Variants in PDGFD observed in about 807,000 individuals in gnomAD.
PDGFD encodes platelet-derived growth factor D.
Under a neutral mutation model 44.7 loss-of-function variants are expected in PDGFD, and 30 were observed. The ratio of observed to expected loss-of-function variants is 0.67; its 90% confidence interval spans 0.50 to 0.91. The LOEUF is 0.91. PDGFD is among the 40% of genes least tolerant of loss of function. The pLI, the probability that PDGFD is intolerant of heterozygous loss-of-function variation, is 0.00. For synonymous variants in PDGFD, 173 were observed against 168.4 expected, an observed-to-expected ratio of 1.03 and a Z score of -0.21; for missense variants, 445 against 457.8, an observed-to-expected ratio of 0.97 and a Z score of 0.25.
At chr11:103,928,373 C>A (rs1040974222) in intron 5 of PDGFD, among the ~76,000 whole-genome samples, 3 of 152,184 alleles carry the variant, frequency 2.0e-5, no homozygotes, top group Non-Finnish European at 4.4e-5. Context: ...GAATGTTAGG[C>A]AGTTATCACC....
chr11:104,077,537 G>T (rs1860977240), intron 1 of PDGFD, among the ~76,000 whole-genome samples: 1 of 152,206 alleles, frequency 6.6e-6, no homozygotes, highest in Non-Finnish European at 1.5e-5. Context: ...TCAATGCTCA[G>T]TGCAGGTTTT....
At chr11:104,095,530 C>T (rs1464615055) in intron 1 of PDGFD, among the ~76,000 whole-genome samples, 2 of 151,988 alleles carry the variant, frequency 1.3e-5, no homozygotes, top group African/African-American at 4.8e-5. Context: ...CTCATAAAAT[C>T]AGTTTCCTGT....
At chr11:104,007,051 G>T (rs1013858524) in intron 1 of PDGFD, among the ~76,000 whole-genome samples, 2 of 152,184 alleles carry the variant, frequency 1.3e-5, no homozygotes, top group Non-Finnish European at 2.9e-5. Flanking sequence ...GTTGCTATGG[G>T]AGTGGACCCC....
chr11:104,049,498 G>T (rs984844194), intron 1 of PDGFD, among the ~76,000 whole-genome samples: 4 of 151,978 alleles, frequency 2.6e-5, no homozygotes, highest in Admixed American at 1.3e-4. Flanking sequence ...GGCTTTTAGG[G>T]GTTTTTAAGC....
chr11:103,909,830 A>C lies in PDGFD; in HGVS notation c.988-11T>G. On this transcript the variant is annotated splice_polypyrimidine_tract_variant and intron_variant, in intron 6 of 6. Coordinates refer to ENST00000393158, the MANE Select transcript of PDGFD (RefSeq NM_025208.5). Reference sequence around the variant, plus strand: ...CTCAAACTGTAATACCTAGGACAAGAAGCACATCTCCTGTTAGAAAGCCTT... The same window carrying C: ...CTCAAACTGTAATACCTAGGACAAGCAGCACATCTCCTGTTAGAAAGCCTT... The C allele has an allele frequency of 6.2e-7, 1 of 1,614,090 alleles. No individual in the cohort carries two copies. Among genetic ancestry groups the C allele is most frequent in the Non-Finnish European group, 8.5e-7 (1 of 1,179,954 alleles).
At chr11:104,085,355 G>A (rs1050942723) in intron 1 of PDGFD, among the ~76,000 whole-genome samples, 5 of 152,132 alleles carry the variant, frequency 3.3e-5, no homozygotes, top group African/African-American at 4.8e-5. Flanking sequence ...TCAGCTAAAC[G>A]TCCTTGAGGT....
chr11:104,050,980 A>G (rs1173422802), intron 1 of PDGFD, among the ~76,000 whole-genome samples: 1 of 152,182 alleles, frequency 6.6e-6, no homozygotes, highest in African/African-American at 2.4e-5. Context: ...AGCCAGGCAA[A>G]ATGAACAGAA....
chr11:104,120,238 T>C (rs1249156243), intron 1 of PDGFD, among the ~76,000 whole-genome samples: 1 of 151,726 alleles, frequency 6.6e-6, no homozygotes, highest in Non-Finnish European at 1.5e-5. Flanking sequence ...CTTTCATTAC[T>C]TGATGGCTAA....
At chr11:104,038,107 A>T (rs541398093) in intron 1 of PDGFD, 245 of 1,284,750 alleles carry the variant, frequency 1.9e-4, no homozygotes, top group Non-Finnish European at 2.5e-4. Context: ...ATTAAAAAAC[A>T]TCAGTAACAA....
chr11:103,958,879 T>C (rs899350205), intron 3 of PDGFD, among the ~76,000 whole-genome samples: 1 of 152,182 alleles, frequency 6.6e-6, no homozygotes, highest in Admixed American at 6.5e-5. Context: ...CAAAATCCCT[T>C]AGCTAAAATC....
At chr11:103,913,876 T>G (rs555047259) in intron 6 of PDGFD, among the ~76,000 whole-genome samples, 1 of 152,264 alleles carries the variant, frequency 6.6e-6, no homozygotes, top group East Asian at 1.9e-4. Flanking sequence ...AACACCTCTA[T>G]GCAAATAAAC....
intron 1 of PDGFD, among the ~76,000 whole-genome samples, chr11:104,058,195 T>C (rs1860652978): frequency 1.3e-5 from 2 of 152,180 alleles, no homozygotes; most frequent in Non-Finnish European, 1.5e-5. Context: ...ATAAACACTT[T>C]AAGAAACTGA....
chr11:104,078,484 C>T (rs892654740), intron 1 of PDGFD, among the ~76,000 whole-genome samples: 2 of 92,694 alleles, frequency 2.2e-5, no homozygotes, highest in African/African-American at 1.2e-4. Flanking sequence ...CCTTACCCTA[C>T]CACTCTCTCC....
intron 1 of PDGFD, among the ~76,000 whole-genome samples, chr11:104,090,208 C>G (rs1861192014): frequency 6.6e-6 from 1 of 152,076 alleles, no homozygotes; most frequent in Non-Finnish European, 1.5e-5. Context: ...AGCTATGAAT[C>G]TTACAGAAAT....
intron 1 of PDGFD, among the ~76,000 whole-genome samples, chr11:104,004,745 T>C (rs1859673241): frequency 2.0e-5 from 3 of 152,156 alleles, no homozygotes; most frequent in South Asian, 4.1e-4. Flanking sequence ...ATTTTGTGCC[T>C]GGCATTGTTC....
At chr11:104,005,681 T>C (rs1859691283) in intron 1 of PDGFD, among the ~76,000 whole-genome samples, 1 of 152,190 alleles carries the variant, frequency 6.6e-6, no homozygotes, top group East Asian at 1.9e-4. Context: ...CCCCATGCCA[T>C]TGGTATTATC....
rs543952553 is a variant in PDGFD, at chr11:104,054,112, C to T, written c.125-53857G>A. ...TCTCCAGAGACTTTTATACCAAATA[C>T]TGCAGCAACAAACACTGGCATAACT... On this transcript the variant is annotated intron_variant, in intron 1 of 6. Transcript: ENST00000393158. Among the ~76,000 whole-genome samples the T allele has an allele frequency of 2.6e-5, 4 of 152,348 alleles. No individual in the cohort carries two copies. In the South Asian group the frequency reaches 8.3e-4, roughly 32 times the overall value.
intron 6 of PDGFD, among the ~76,000 whole-genome samples, chr11:103,921,812 A>G (rs541150): frequency 6.8e-6 from 1 of 146,972 alleles, no homozygotes; most frequent in African/African-American, 2.5e-5. Context: ...AGAGATAGGT[A>G]TAGGCTTGTG....
intron 5 of PDGFD, among the ~76,000 whole-genome samples, chr11:103,941,038 C>G (rs746593063): frequency 9.9e-5 from 15 of 152,062 alleles, no homozygotes; most frequent in Non-Finnish European, 1.9e-4. Flanking sequence ...AATTGAGCAT[C>G]TAAAATATGT....
Sources: allele counts gnomAD v4.1 joint callset (sites outside exome capture counted in the v4.1 genomes callset), GRCh38; gene constraint gnomAD v4.1.1; transcripts MANE v1.5; gene names NCBI Gene and HGNC (gene_info 2026-07-23, HGNC 2026-07-21).